TMEM255A: variants seen among roughly 807,000 people sequenced by gnomAD.
TMEM255A encodes transmembrane protein 255A, also known as family with sequence similarity 70, member A.
Under a neutral mutation model 23.5 loss-of-function variants are expected in TMEM255A, and 14 were observed. The ratio of observed to expected loss-of-function variants is 0.60; its 90% CI spans 0.39 to 0.93. The LOEUF (loss-of-function observed/expected upper bound fraction) is 0.93, where lower values mean the gene tolerates loss of function less well. Among genes scored for constraint, TMEM255A ranks in the 40% least tolerant of loss-of-function variants. The probability of loss-of-function intolerance (pLI) is 0.00; values close to 1 mark genes in which losing one functional copy is unlikely to be tolerated. For missense variants in TMEM255A, 233 were observed against 261.7 expected (o/e 0.89, Z 0.76); for synonymous variants, 104 against 100.3 (o/e 1.04, Z -0.22).
chrX:120,279,935 T>G (rs2057825458), intron 6 of TMEM255A, among the ~76,000 whole-genome samples: 1 of 110,533 alleles, frequency 9.0e-6, no homozygotes, highest in African/African-American at 3.3e-5. Context: ...TTTTTGTTTG[T>G]TTGGTTGGTT....
rs1556024237 is a variant in TMEM255A at position 120,296,755 on chromosome X, A to AT, written c.202-2705dup. On this transcript the variant is annotated intron_variant, in intron 2 of 8. Transcript: ENST00000371369. ...AATATATTATATTATATTATATTAT[A>AT]TATTATATATATTAAATATATTATA... is the stretch of plus-strand genomic sequence containing the variant. Among the ~76,000 whole-genome samples the AT allele has an allele frequency of 2.1e-3, 37 of 17,644 alleles. 1 individual carries two copies. The highest frequency in any genetic ancestry group is 9.9e-3 in the African/African-American group (30 of 3,030). 15.3% of individuals were successfully genotyped at this position (17,644 alleles called of 115,157 possible). A position where few individuals can be genotyped will look rare whatever the true frequency, so the allele number is the denominator to read the frequency against.
chrX:120,260,978 G>C lies in TMEM255A; in HGVS notation c.870C>G (p.Pro290=), dbSNP rs2057675223. ...AGCTGGGTGAGGGAGAGGCAGACTGGGGCTCATCAGAAAGTCCAGAGGGAG... is the reference window on the plus strand; with the variant it reads ...AGCTGGGTGAGGGAGAGGCAGACTGCGGCTCATCAGAAAGTCCAGAGGGAG... The part of the protein sequence containing the change: ...SSPPSGLSDE[P]QSASPSPSYM... The change falls in exon 9 of 9, where the codon CCC becomes CCG. Residue 290 remains proline, a synonymous_variant. Coordinates refer to ENST00000371369, the MANE Select transcript of TMEM255A (RefSeq NM_001104544.3). 1.7e-6 allele frequency: 2 copies of C among 1,196,379 alleles called. No homozygotes were observed. The highest frequency in any genetic ancestry group is 3.5e-5 in the African/African-American group (2 of 56,682).
At chrX:120,296,759 TATATATA>T (rs2057965153) in intron 2 of TMEM255A, among the ~76,000 whole-genome samples, 1 of 10,511 alleles carries the variant, frequency 9.5e-5, no homozygotes, top group Non-Finnish European at 1.2e-4. Context: ...TATTATATAT[TATATATA>T]TTAAATATAT....
At chrX:120,264,176 C>T (rs1387374853) in intron 8 of TMEM255A, among the ~76,000 whole-genome samples, 2 of 111,269 alleles carry the variant, frequency 1.8e-5, no homozygotes, top group Non-Finnish European at 3.8e-5. Flanking sequence ...TTATAAATAG[C>T]TGGGTTTAAT....
intron 8 of TMEM255A, among the ~76,000 whole-genome samples, chrX:120,265,009 C>T (rs1361452111): frequency 9.1e-6 from 1 of 109,662 alleles, no homozygotes; most frequent in Non-Finnish European, 1.9e-5. Flanking sequence ...TCCTGAGTAG[C>T]TGTGATTACA....
chrX:120,281,280 G>A (rs1320149094), intron 6 of TMEM255A, among the ~76,000 whole-genome samples: 1 of 112,213 alleles, frequency 8.9e-6, no homozygotes, highest in African/African-American at 3.2e-5. Context: ...TATTGATCAT[G>A]AGATTGATTA....
In TMEM255A at chrX:120,277,037, TCTC is replaced by T; in HGVS notation, c.520_522del (p.Glu174del). ...ATGTATTCGTAGTACCCACCAGTGATCTCCACCCGGCTGGACAGGGAGGAGCAT... is the reference window on the plus strand; with the variant it reads ...ATGTATTCGTAGTACCCACCAGTGATCACCCGGCTGGACAGGGAGGAGCAT... On this transcript the variant is annotated inframe_deletion, in exon 7 of 9. Coordinates refer to ENST00000371369, the MANE Select transcript of TMEM255A (RefSeq NM_001104544.3). 1 of 1,208,285 alleles carries T rather than the reference TCTC, an allele frequency of 8.3e-7. No individual in the cohort carries two copies. The highest frequency in any genetic ancestry group is 1.1e-6 in the Non-Finnish European group (1 of 893,718).
chrX:120,259,267 T>C lies in TMEM255A; in HGVS notation c.*1603A>G, dbSNP rs1389935603. 8.8e-6 allele frequency: 1 copy of C among 113,012 alleles called. No homozygotes were observed. Among genetic ancestry groups the C allele is most frequent in the East Asian group, 2.7e-4 (1 of 3,637 alleles). The allele number at this position is 113,012 out of a possible 1,213,427, so 9.3% of individuals were successfully genotyped here. ...ATATGCTCAGAACTGTAAAAAATCA[T>C]AGTAATTTTGTATAACATAAAAGGA... On this transcript the variant is annotated 3_prime_UTR_variant, in exon 9 of 9. Transcript: ENST00000371369.
chrX:120,295,230 T>C (rs1556023806), intron 2 of TMEM255A, among the ~76,000 whole-genome samples: 1 of 111,638 alleles, frequency 9.0e-6, no homozygotes, highest in Admixed American at 9.5e-5. Flanking sequence ...ATGAAGTTAC[T>C]TTTCTCTTTA....
chrX:120,288,027 C>G (rs1423996707), intron 4 of TMEM255A, among the ~76,000 whole-genome samples: 1 of 111,123 alleles, frequency 9.0e-6, no homozygotes, highest in African/African-American at 3.3e-5. Flanking sequence ...CTAAACCTCC[C>G]CTGAGTGGTA....
At chrX:120,261,151 CAAACCTCACAGAGTT>C (rs1268706021) in intron 8 of TMEM255A, 123 bp from the exon 9 acceptor site, 2 of 920,310 alleles carry the variant, frequency 2.2e-6, no homozygotes, top group Non-Finnish European at 2.9e-6. Flanking sequence ...AGAGAGCTCC[CAAACCTCACAGAGTT>C]AATGAGCCTG....
At chrX:120,266,874 G>C (rs782438705) in intron 8 of TMEM255A, among the ~76,000 whole-genome samples, 1 of 111,695 alleles carries the variant, frequency 9.0e-6, no homozygotes, top group Non-Finnish European at 1.9e-5. Flanking sequence ...CACCTATTTG[G>C]GTAACAAGTT....
At chrX:120,285,240 A>G in intron 5 of TMEM255A, 25 bp from the exon 6 acceptor site, 1 of 1,136,255 alleles carries the variant, frequency 8.8e-7, no homozygotes, top group Non-Finnish European at 1.2e-6. Flanking sequence ...CAGTGAGGAG[A>G]TGAGCTGGCA....
chrX:120,261,321 AC>A (rs1209919877), intron 8 of TMEM255A, among the ~76,000 whole-genome samples: 1 of 111,512 alleles, frequency 9.0e-6, no homozygotes, highest in African/African-American at 3.3e-5. Flanking sequence ...ATCCATCACT[AC>A]CTTTTTTACA....
chrX:120,292,017 A>T (rs180994925), intron 3 of TMEM255A, among the ~76,000 whole-genome samples: 2,626 of 111,119 alleles, frequency 0.024, 81 homozygotes, highest in African/African-American at 0.08. Context: ...TAAAATTTTT[A>T]AATTTTTTTA....
intron 6 of TMEM255A, among the ~76,000 whole-genome samples, chrX:120,284,277 G>T (rs932334824): frequency 8.9e-6 from 1 of 112,335 alleles, no homozygotes; most frequent in Non-Finnish European, 1.9e-5. Context: ...TATTTTGAAA[G>T]AAAGAATAAA....
chrX:120,307,772 A>C (rs781868625), intron 1 of TMEM255A, among the ~76,000 whole-genome samples: 7 of 112,063 alleles, frequency 6.2e-5, no homozygotes. Flanking sequence ...ATTTCTGCTT[A>C]AACAACAACC....
At chrX:120,256,442 G>A (rs2057638318), downstream of TMEM255A, 1 of 122,175 alleles carries the variant, frequency 8.2e-6, no homozygotes, top group African/African-American at 3.3e-5. Context: ...TCTCCACTAG[G>A]AAGTCTTTAT....
intron 2 of TMEM255A, among the ~76,000 whole-genome samples, chrX:120,297,083 T>TTATATATAATATATAA (rs2057996778): frequency 3.7e-4 from 3 of 8,023 alleles, no homozygotes; most frequent in Non-Finnish European, 4.4e-4. Context: ...TTATATTATA[T>TTATATATAATATATAA]TATAATATAT....
Sources: gnomAD v4.1 joint callset for allele counts (sites outside exome capture counted in the v4.1 genomes callset) on GRCh38, gnomAD v4.1.1 for gene constraint, MANE v1.5 for transcripts, NCBI Gene and HGNC (gene_info 2026-07-23, HGNC 2026-07-21) for gene names.